Variants in GML observed in about 807,000 individuals in gnomAD.
GML encodes the protein glycosylphosphatidylinositol anchored molecule like.
GML carries 5 observed loss-of-function variants against 8.2 expected under a neutral mutation model. The ratio of observed to expected loss-of-function variants is 0.61; its 90% CI spans 0.32 to 1.28. The LOEUF is 1.28. Ranked by LOEUF, GML falls within the 50% of genes most tolerant of loss-of-function variation. GML has a pLI of 0.06. For synonymous variants in GML, 72 were observed against 69.0 expected (o/e 1.04, Z -0.22); for missense variants, 191 against 198.3 (o/e 0.96, Z 0.22).
In GML at chr8:142,840,446, C is replaced by G. The variant is rs962339417; in HGVS notation, c.9C>G (p.Leu3=). The part of the protein sequence containing the change: ML[L]FALLLAMELP... ...GGCTCCTGCGTGAAGTGATGCTCCT[C>G]TTTGCCTTACTCCTAGCCATGGAGC... The change falls in exon 2 of 4, where the codon CTC becomes CTG. Residue 3 remains leucine (L), a synonymous_variant. Transcript: ENST00000220940. The G allele has an allele frequency of 1.9e-6, 3 of 1,613,290 alleles. No homozygotes were observed. In the African/African-American group the frequency reaches 4.0e-5, roughly 22 times the overall value.
At chr8:142,839,648 G>A (rs577538229) in intron 1 of GML, among the ~76,000 whole-genome samples, 60 of 152,306 alleles carry the variant, frequency 3.9e-4, no homozygotes, top group African/African-American at 1.4e-3. Context: ...TCCCCCTTGA[G>A]TCGGGCTGCT....
At position 142,835,462 on chromosome 8, in the gene GML, G is replaced by A. The variant is rs117764457; in HGVS notation, c.-23+594G>A. Reference sequence around the variant, plus strand: ...CACGTTCTGCTGCTCGTTCTTTTCTGGCTCCTTGCTTTCGAAGGAGAGAAG... The same window carrying A: ...CACGTTCTGCTGCTCGTTCTTTTCTAGCTCCTTGCTTTCGAAGGAGAGAAG... On this transcript the variant is annotated intron_variant, in intron 1 of 3. Transcript: ENST00000220940. 7.8e-3 allele frequency among the ~76,000 whole-genome samples: 1,188 copies of A among 152,306 alleles called. 7 individuals carry two copies. The highest frequency in any genetic ancestry group is 9.5e-3 in the Non-Finnish European group (646 of 68,036).
chr8:142,838,926 C>T (rs1161338888), intron 1 of GML, among the ~76,000 whole-genome samples: 2 of 152,156 alleles, frequency 1.3e-5, no homozygotes, highest in Non-Finnish European at 2.9e-5. Context: ...TCCCATCCAC[C>T]CCAAGATCCA....
chr8:142,842,449 T>A (rs1404564741), intron 3 of GML, among the ~76,000 whole-genome samples: 1 of 152,206 alleles, frequency 6.6e-6, no homozygotes, highest in African/African-American at 2.4e-5. Context: ...GGCATGGTTT[T>A]GTCATGTTGG....
chr8:142,836,968 C>T (rs1014054858), intron 1 of GML, among the ~76,000 whole-genome samples: 6 of 152,098 alleles, frequency 3.9e-5, no homozygotes, highest in African/African-American at 7.2e-5. Flanking sequence ...TGGGGGTAGA[C>T]GGGCTGGCAT....
chr8:142,842,382 C>A (rs1222420469), intron 3 of GML, among the ~76,000 whole-genome samples: 3 of 152,170 alleles, frequency 2.0e-5, no homozygotes, highest in African/African-American at 7.2e-5. Context: ...GGGACATGGG[C>A]AGGAGGCTGA....
chr8:142,835,337 T>G (rs1005913981), intron 1 of GML, among the ~76,000 whole-genome samples: 1 of 152,058 alleles, frequency 6.6e-6, no homozygotes, highest in African/African-American at 2.4e-5. Context: ...TGGGGCTCCG[T>G]TCAGTTCTTG....
chr8:142,836,486 C>T (rs1289675506), intron 1 of GML, among the ~76,000 whole-genome samples: 1 of 152,110 alleles, frequency 6.6e-6, no homozygotes, highest in Non-Finnish European at 1.5e-5. Flanking sequence ...CTTTAATGCT[C>T]TCATTAGAAT....
intron 3 of GML, among the ~76,000 whole-genome samples, chr8:142,845,398 A>G (rs746143490): frequency 2.0e-5 from 3 of 152,188 alleles, no homozygotes; most frequent in Non-Finnish European, 4.4e-5. Context: ...TGAGTTGTGG[A>G]CTTATGGTCA....
rs753099946 is a variant in GML, at chr8:142,846,393, A to T, written c.182-2A>T. 6.4e-7 allele frequency: 1 copy of T among 1,567,562 alleles called. No individual in the cohort carries two copies. The highest frequency in any genetic ancestry group is 2.2e-5 in the East Asian group (1 of 44,558). On this transcript the variant is annotated splice_acceptor_variant, in intron 3 of 3. Coordinates refer to ENST00000220940, the MANE Select transcript of GML (RefSeq NM_002066.3). LOFTEE classifies it high-confidence loss of function. ...TATTTTCATTGCTGCTTCTTTTTTTAGGCATAAATTCTCGTGAACTACTTG... is the reference window on the plus strand; with the variant it reads ...TATTTTCATTGCTGCTTCTTTTTTTTGGCATAAATTCTCGTGAACTACTTG...
In GML at chr8:142,840,437, G is replaced by A; in HGVS notation, c.-1G>A. On this transcript the variant is annotated 5_prime_UTR_variant, in exon 2 of 4. Coordinates refer to ENST00000220940, the MANE Select transcript of GML (RefSeq NM_002066.3). ...TCAGGTCCAGGCTCCTGCGTGAAGT[G>A]ATGCTCCTCTTTGCCTTACTCCTAG... 1 of 1,612,734 alleles carries A rather than the reference G, an allele frequency of 6.2e-7. No individual in the cohort carries two copies. The highest frequency in any genetic ancestry group is 2.2e-5 in the East Asian group (1 of 44,870).
chr8:142,846,269 A>G, intron 3 of GML, 126 bp from the exon 4 acceptor site: 1 of 644,998 alleles, frequency 1.6e-6, no homozygotes, highest in Non-Finnish European at 2.7e-6. Context: ...AGACAATTTT[A>G]TCACAGCTGG....
chr8:142,839,884 G>T (rs187814548), intron 1 of GML, among the ~76,000 whole-genome samples: 1 of 152,270 alleles, frequency 6.6e-6, no homozygotes, highest in East Asian at 1.9e-4. Flanking sequence ...CTTGATTTTG[G>T]GAGGGGAGTT....
At chr8:142,846,301 A>T in intron 3 of GML, 94 bp from the exon 4 acceptor site, 1 of 756,350 alleles carries the variant, frequency 1.3e-6, no homozygotes, top group Non-Finnish European at 2.2e-6. Flanking sequence ...GTGTACATGG[A>T]GCTAATTATG....
chr8:142,845,839 G>A (rs142123553), intron 3 of GML, among the ~76,000 whole-genome samples: 374 of 152,314 alleles, frequency 2.5e-3, no homozygotes, highest in Non-Finnish European at 4.2e-3. Context: ...GTCTGTACTG[G>A]GGAGGAGGTT....
chr8:142,839,849 C>T (rs1035629129), intron 1 of GML, among the ~76,000 whole-genome samples: 4 of 152,112 alleles, frequency 2.6e-5, no homozygotes, highest in Non-Finnish European at 5.9e-5. Context: ...GCTGATGGCT[C>T]GGTGATGCCC....
Position 142,841,159 on chromosome 8 carries a change from G to A in GML, c.115G>A (p.Asp39Asn), listed in dbSNP as rs147246218. 3.1e-6 allele frequency: 5 copies of A among 1,592,350 alleles called. No homozygotes were observed. Among genetic ancestry groups the A allele is most frequent in the Non-Finnish European group, 4.3e-6 (5 of 1,160,402 alleles). The change falls in exon 3 of 4, where the codon GAC (aspartate) becomes AAC (asparagine). Residue 39 changes from aspartate (D) to asparagine (N), a missense_variant. Physicochemically the swap from Asp to Asn is conservative, Grantham distance 23. Transcript: ENST00000220940. Reference sequence around the variant, plus strand: ...ATGCCATGACTGTGCGGTCATAAATGACTTCAACTGTCCCAACATTAGAGT... The same window carrying A: ...ATGCCATGACTGTGCGGTCATAAATAACTTCAACTGTCCCAACATTAGAGT... ...LRCHDCAVIN[D>N]FNCPNIRVCP...
intron 3 of GML, among the ~76,000 whole-genome samples, chr8:142,846,056 C>T (rs753004522): frequency 4.6e-5 from 7 of 152,160 alleles, no homozygotes; most frequent in Admixed American, 1.3e-4. Flanking sequence ...TTTAATTTCT[C>T]GGGCTCTAGA....
chr8:142,836,010 T>C (rs2130210774), intron 1 of GML, among the ~76,000 whole-genome samples: 1 of 152,398 alleles, frequency 6.6e-6, no homozygotes, highest in South Asian at 2.1e-4. Flanking sequence ...GCTTACCCTG[T>C]ATTTGCCCCA....
Sources: gnomAD v4.1 joint callset for allele counts (sites outside exome capture counted in the v4.1 genomes callset) on GRCh38, gnomAD v4.1.1 for gene constraint, MANE v1.5 for transcripts, NCBI Gene and HGNC (gene_info 2026-07-23, HGNC 2026-07-21) for gene names.